Variants in NRL observed in about 807,000 individuals in gnomAD.
The protein encoded by NRL is neural retina-specific leucine zipper protein.
A neutral mutation model predicts 12.5 loss-of-function variants in NRL; 16 were observed. The observed-to-expected ratio is 1.28, with a 90% CI of 0.87 to 1.95. The LOEUF (loss-of-function observed/expected upper bound fraction) is 1.95, where lower values mean the gene tolerates loss of function less well. Among genes scored for constraint, NRL ranks in the 30% most tolerant of loss-of-function variants. The pLI is 0.00. For missense variants in NRL, 314 were observed against 325.8 expected (o/e 0.96, Z 0.28); for synonymous variants, 142 against 150.9 (o/e 0.94, Z 0.43).
chr14:24,084,462 T>C, intron 1 of NRL: 1 of 800,584 alleles, frequency 1.2e-6, no homozygotes, highest in Non-Finnish European at 1.5e-6. Flanking sequence ...GAGCAGGTGT[T>C]AAAGAGGGGG....
intron 1 of NRL, among the ~76,000 whole-genome samples, chr14:24,113,356 T>G (rs1301789149): frequency 6.7e-6 from 1 of 149,204 alleles, no homozygotes; most frequent in East Asian, 2.0e-4. Context: ...TGTGCACATG[T>G]ACCCTAAAAC....
At chr14:24,087,138 G>A (rs1462701028) in intron 1 of NRL, among the ~76,000 whole-genome samples, 1 of 152,182 alleles carries the variant, frequency 6.6e-6, no homozygotes, top group African/African-American at 2.4e-5. Flanking sequence ...ACAAGTCAGG[G>A]TCTCCATGGG....
chr14:24,111,355 T>C (rs1458417439), intron 1 of NRL, among the ~76,000 whole-genome samples: 1 of 151,342 alleles, frequency 6.6e-6, no homozygotes, highest in Non-Finnish European at 1.5e-5. Context: ...GCATAGGTGT[T>C]TTTTGTTTGG....
intron 1 of NRL, among the ~76,000 whole-genome samples, chr14:24,095,873 G>A (rs1194789250): frequency 6.6e-5 from 10 of 152,116 alleles, no homozygotes; most frequent in Admixed American, 2.6e-4. Context: ...TCAACCTTCC[G>A]CAGAGTTCAG....
At position 24,085,806 on chromosome 14, in the gene NRL, A is replaced by G. The variant is rs1411205276; in HGVS notation, c.-27-2931T>C. Among the ~76,000 whole-genome samples, 4 of 152,344 alleles carry G rather than the reference A, an allele frequency of 2.6e-5. No individual in the cohort carries two copies. The East Asian group carries it at 7.7e-4, about 29-fold the overall frequency. ...TGTGGTCCCCAGAGCAGCAGCATCC[A>G]TATCACCTGGGAACTTGCTAGAAAT... On this transcript the variant is annotated intron_variant, in intron 1 of 2. Transcript: ENST00000561028. This position sits in a 1 kb window ranked among gnomAD's most constrained non-coding sequence, Gnocchi z 4.1.
chr14:24,080,842 C>A lies in NRL; in HGVS notation c.*394G>T, dbSNP rs891754128. The A allele has an allele frequency of 1.1e-5, 2 of 180,356 alleles. No individual in the cohort carries two copies. Among genetic ancestry groups the A allele is most frequent in the East Asian group, 2.8e-4 (2 of 7,036 alleles). The allele number at this position is 180,356 out of a possible 1,614,324, so 11.2% of individuals were successfully genotyped here. A position where few individuals can be genotyped will look rare whatever the true frequency, so the allele number is the denominator to read the frequency against. The stretch of plus-strand genomic sequence containing the variant: ...TCAGAATGAAAATACAGCCTCATTG[C>A]TAATTACAGCTTTAATGTGTTACAG... On this transcript the variant is annotated 3_prime_UTR_variant, in exon 3 of 3. Transcript: ENST00000561028.
Position 24,094,610 on chromosome 14 carries a change from A to G in NRL, c.-27-11735T>C. The G allele has an allele frequency of 6.8e-7, 1 of 1,462,452 alleles. No homozygotes were observed. The highest frequency in any genetic ancestry group is 1.4e-5 in the South Asian group (1 of 71,586). 90.6% of individuals were successfully genotyped at this position (1,462,452 alleles called of 1,614,324 possible). ...CGCGCCGCGCGTCTCTTGGGAGGGC[A>G]GCCGGCCGGTGCTCCTCGTTTCCGC... On this transcript the variant is annotated intron_variant, in intron 1 of 2. Transcript: ENST00000561028. This position sits in a 1 kb window ranked among gnomAD's most constrained non-coding sequence, Gnocchi z 4.1.
intron 1 of NRL, chr14:24,084,778 T>A: frequency 1.1e-6 from 1 of 883,176 alleles, no homozygotes; most frequent in Non-Finnish European, 1.4e-6. Flanking sequence ...GAGAGGAGAG[T>A]ACAAGTGTGC....
Position 24,082,790 on chromosome 14 carries a change from T to C in NRL, c.59A>G (p.Lys20Arg). The stretch of plus-strand genomic sequence containing the variant: ...AGAGGGTTCCCGCTTTACCTCAAAC[T>C]TCATCAAGTCAAAGTCATTGACATA... ...MEYVNDFDLM[K>R]FEVKREPSEG... Residue 20 changes from lysine to arginine, a missense_variant, in exon 2 of 3, where the codon AAG becomes AGG. Transcript: ENST00000561028. The C allele has an allele frequency of 6.2e-7, 1 of 1,614,140 alleles. No homozygotes were observed. The highest frequency in any genetic ancestry group is 8.5e-7 in the Non-Finnish European group (1 of 1,180,006).
At position 24,102,878 on chromosome 14, in the gene NRL, C is replaced by T. The variant is rs200079405; in HGVS notation, c.-28+11844G>A. 1.6e-4 allele frequency: 252 copies of T among 1,613,540 alleles called. 2 individuals are homozygous for T. The highest frequency in any genetic ancestry group is 1.2e-3 in the South Asian group (108 of 91,006). On this transcript the variant is annotated intron_variant, in intron 1 of 2. Transcript: ENST00000561028. ...CATTGACGCCATCATCTTTGGTGGCCGCAGACCCAAAGGTAAACAACATAT... is the reference window on the plus strand; with the variant it reads ...CATTGACGCCATCATCTTTGGTGGCTGCAGACCCAAAGGTAAACAACATAT...
intron 1 of NRL, among the ~76,000 whole-genome samples, chr14:24,095,838 G>A (rs2036849867): frequency 6.6e-6 from 1 of 152,182 alleles, no homozygotes; most frequent in African/African-American, 2.4e-5. Context: ...ATGAACCCCA[G>A]CCAGTGACAC....
At chr14:24,107,264 TG>T (rs750803150) in intron 1 of NRL, among the ~76,000 whole-genome samples, 141 of 152,320 alleles carry the variant, frequency 9.3e-4, no homozygotes, top group Admixed American at 1.8e-3. Context: ...TAGAATAAAA[TG>T]GGGCTGCATG....
chr14:24,114,757 GC>G lies in NRL; in HGVS notation c.-64del. 1.0e-6 allele frequency: 1 copy of G among 985,942 alleles called. No homozygotes were observed. Among genetic ancestry groups the G allele is most frequent in the Non-Finnish European group, 1.2e-6 (1 of 829,948 alleles). The allele number at this position is 985,942 out of a possible 1,614,324, so 61.1% of individuals were successfully genotyped here. ...TCGTGCTCCGCTGTCCAGTTGGCTG[GC>G]CAAGGGGGCGGGGCCGTCGTGTGAC... On this transcript the variant is annotated 5_prime_UTR_variant, in exon 1 of 3. Transcript: ENST00000561028.
At chr14:24,113,578 G>A (rs970167217) in intron 1 of NRL, among the ~76,000 whole-genome samples, 1 of 152,214 alleles carries the variant, frequency 6.6e-6, no homozygotes, top group South Asian at 2.1e-4. Flanking sequence ...CAGTGGAGCC[G>A]AGTGCAAGAT....
intron 2 of NRL, chr14:24,082,161 C>A (rs1360727600): frequency 1.3e-6 from 1 of 765,384 alleles, no homozygotes; most frequent in Non-Finnish European, 1.6e-6. Flanking sequence ...TTCCACACAC[C>A]ATGTATCTGT....
At chr14:24,109,117 C>T (rs901394100) in intron 1 of NRL, among the ~76,000 whole-genome samples, 1 of 152,152 alleles carries the variant, frequency 6.6e-6, no homozygotes, top group African/African-American at 2.4e-5. Context: ...GTAGAAAAAC[C>T]TCTCTGTGGC....
intron 1 of NRL, chr14:24,103,056 A>G (rs2037227755): frequency 8.4e-7 from 1 of 1,194,738 alleles, no homozygotes; most frequent in South Asian, 1.3e-5. Flanking sequence ...AAAATGGGAT[A>G]GCCGAGGTCT....
chr14:24,102,631 G>T, intron 1 of NRL: 1 of 799,900 alleles, frequency 1.3e-6, no homozygotes, highest in Non-Finnish European at 2.0e-6. Flanking sequence ...ATCACACAAG[G>T]TTCTAGGCAG....
At chr14:24,091,919 T>C (rs1424928062) in intron 1 of NRL, among the ~76,000 whole-genome samples, 1 of 151,968 alleles carries the variant, frequency 6.6e-6, no homozygotes, top group Non-Finnish European at 1.5e-5. Flanking sequence ...ATCTTGGAGG[T>C]CAAGTGCGGC....
Sources: gnomAD v4.1 joint callset for allele counts (sites outside exome capture counted in the v4.1 genomes callset) on GRCh38, gnomAD v4.1.1 for gene constraint, Gnocchi (gnomAD v3.1) non-coding constraint, MANE v1.5 for transcripts, NCBI Gene and HGNC (gene_info 2026-07-23, HGNC 2026-07-21) for gene names.